The following NCOA3 variants were observed in gnomAD, a reference collection of about 807,000 sequenced individuals.
NCOA3 encodes the protein CBP-interacting protein.
In NCOA3, 51 loss-of-function variants were observed where a neutral mutation model predicts 158.8. The observed-to-expected ratio is 0.32, with a 90% CI of 0.26 to 0.41. The LOEUF is 0.41. NCOA3 is among the 10% of genes least tolerant of loss of function. The pLI is 1.00. For synonymous variants in NCOA3, 537 were observed against 592.4 expected, an observed-to-expected ratio of 0.91 and a Z score of 1.36; for missense variants, 1,510 against 1,746.6, an observed-to-expected ratio of 0.86 and a Z score of 2.41.
At chr20:47,528,830 A>G (rs139155334) in intron 1 of NCOA3, among the ~76,000 whole-genome samples, 1,847 of 152,130 alleles carry the variant, frequency 0.012, 17 homozygotes, top group Middle Eastern at 0.024. Flanking sequence ...CTGAAGTGCA[A>G]TGGTGTGATC....
intron 3 of NCOA3, 90 bp from the exon 4 acceptor site, chr20:47,623,821 A>G: frequency 8.8e-7 from 1 of 1,142,076 alleles, no homozygotes; most frequent in East Asian, 2.6e-5. Context: ...ATCATGTAAT[A>G]GTGTTGTATA....
chr20:47,550,159 T>A (rs1470331621), intron 1 of NCOA3, among the ~76,000 whole-genome samples: 1 of 151,602 alleles, frequency 6.6e-6, no homozygotes, highest in South Asian at 2.1e-4. Context: ...TAAAAGGGTT[T>A]GAAGTCCAGG....
intron 1 of NCOA3, among the ~76,000 whole-genome samples, chr20:47,523,088 A>T (rs1022562817): frequency 4.6e-5 from 7 of 152,168 alleles, no homozygotes; most frequent in African/African-American, 1.7e-4. Flanking sequence ...CCGGAGGCTG[A>T]GGCAGGAGAA....
chr20:47,581,227 TC>T (rs2085447276), intron 1 of NCOA3, among the ~76,000 whole-genome samples: 1 of 152,146 alleles, frequency 6.6e-6, no homozygotes, highest in South Asian at 2.1e-4. Flanking sequence ...TTGGGTTTCT[TC>T]CCCTAGATAT....
intron 1 of NCOA3, among the ~76,000 whole-genome samples, chr20:47,545,813 C>T (rs2084819378): frequency 6.6e-6 from 1 of 151,964 alleles, no homozygotes; most frequent in African/African-American, 2.4e-5. Flanking sequence ...CTCCTGGGCT[C>T]AAGCGATCCT....
At chr20:47,526,694 A>C (rs3091741) in intron 1 of NCOA3, among the ~76,000 whole-genome samples, 16 of 151,976 alleles carry the variant, frequency 1.1e-4, no homozygotes, top group Non-Finnish European at 2.2e-4. Context: ...AGGTTGCAGT[A>C]AGCCGAGATG....
intron 1 of NCOA3, among the ~76,000 whole-genome samples, chr20:47,577,783 G>A (rs1485650823): frequency 6.6e-6 from 1 of 152,124 alleles, no homozygotes; most frequent in Non-Finnish European, 1.5e-5. Flanking sequence ...CAAAATCTAG[G>A]TTTTCAGAAG....
At chr20:47,565,921 A>G (rs2085186585) in intron 1 of NCOA3, among the ~76,000 whole-genome samples, 2 of 152,154 alleles carry the variant, frequency 1.3e-5, no homozygotes, top group Non-Finnish European at 1.5e-5. Context: ...TTTCATTGAC[A>G]CCATTAAACC....
chr20:47,552,384 A>T (rs1370526788), intron 1 of NCOA3, among the ~76,000 whole-genome samples: 3 of 152,330 alleles, frequency 2.0e-5, no homozygotes, highest in East Asian at 3.9e-4. Flanking sequence ...TTATGTTTGA[A>T]GATATCTAAA....
intron 1 of NCOA3, among the ~76,000 whole-genome samples, chr20:47,553,051 A>T (rs150816298): frequency 2.3e-3 from 347 of 151,746 alleles, no homozygotes; most frequent in African/African-American, 8.0e-3. Context: ...CTCCCACCTC[A>T]GCCTCCCGGG....
intron 2 of NCOA3, among the ~76,000 whole-genome samples, chr20:47,584,617 C>T (rs2085505441): frequency 8.4e-6 from 1 of 119,664 alleles, no homozygotes; most frequent in Non-Finnish European, 1.8e-5. Context: ...GAGACTTCAT[C>T]TCAAAAAAAA....
chr20:47,579,739 G>A (rs1056399189), intron 1 of NCOA3, among the ~76,000 whole-genome samples: 1 of 152,150 alleles, frequency 6.6e-6, no homozygotes, highest in Non-Finnish European at 1.5e-5. Flanking sequence ...ACTGAACTGG[G>A]TCTATTTTTC....
intron 1 of NCOA3, among the ~76,000 whole-genome samples, chr20:47,544,088 A>C (rs993676589): frequency 6.6e-6 from 1 of 152,208 alleles, no homozygotes; most frequent in African/African-American, 2.4e-5. Flanking sequence ...GCCATGTTAT[A>C]GTGATCAAAA....
At chr20:47,609,167 T>C (rs2086003844) in intron 2 of NCOA3, among the ~76,000 whole-genome samples, 1 of 152,194 alleles carries the variant, frequency 6.6e-6, no homozygotes, top group South Asian at 2.1e-4. Context: ...AGTTTGTTAA[T>C]TCCTCACACC....
chr20:47,543,643 G>T (rs188502751), intron 1 of NCOA3, among the ~76,000 whole-genome samples: 28 of 152,040 alleles, frequency 1.8e-4, no homozygotes, highest in Admixed American at 1.2e-3. Flanking sequence ...CCGAGTAGCT[G>T]GGACTACTGG....
chr20:47,561,506 AC>A (rs972530811), intron 1 of NCOA3, among the ~76,000 whole-genome samples: 3 of 150,440 alleles, frequency 2.0e-5, no homozygotes, highest in African/African-American at 7.3e-5. Flanking sequence ...TTTCATAGAG[AC>A]AGGATCTTGC....
At position 47,647,283 on chromosome 20, in the gene NCOA3, C is replaced by T. The variant is rs1568755035; in HGVS notation, c.3463C>T (p.Pro1155Ser). 1.2e-6 allele frequency: 2 copies of T among 1,614,114 alleles called. No individual in the cohort carries two copies. Among genetic ancestry groups the T allele is most frequent in the Non-Finnish European group, 8.5e-7 (1 of 1,180,028 alleles). Residue 1155 changes from proline (P) to serine (S), a missense_variant, in exon 18 of 23, where the codon CCA (proline) becomes TCA (serine). Transcript: ENST00000371998. The part of the protein sequence containing the change: ...QGNFPLQGMH[P>S]RANIMRPRTN... ...CAATTTTCCTCTCCAAGGAATGCAC[C>T]CACGAGCCAACATCATGAGACCCCG...
At chr20:47,649,567 T>TA (rs1357635974) in intron 19 of NCOA3, among the ~76,000 whole-genome samples, 1 of 152,156 alleles carries the variant, frequency 6.6e-6, no homozygotes, top group African/African-American at 2.4e-5. Context: ...GAGGGGATAT[T>TA]AAAATTCCCT....
At chr20:47,563,153 G>A (rs923197010) in intron 1 of NCOA3, among the ~76,000 whole-genome samples, 3 of 152,216 alleles carry the variant, frequency 2.0e-5, no homozygotes, top group Non-Finnish European at 4.4e-5. Context: ...ACTACTGCTG[G>A]ATGTTACGAA....
Sources: allele counts gnomAD v4.1 joint callset (sites outside exome capture counted in the v4.1 genomes callset), GRCh38; gene constraint gnomAD v4.1.1; transcripts MANE v1.5; gene names NCBI Gene and HGNC (gene_info 2026-07-23, HGNC 2026-07-21).